DSCAML1: variants seen among roughly 807,000 people sequenced by gnomAD.
DSCAML1 encodes the protein DS cell adhesion molecule like 1, also known as cell adhesion molecule DSCAML1.
A neutral mutation model predicts 200.5 loss-of-function variants in DSCAML1; 38 were observed. The observed-to-expected ratio is 0.19, with a 90% CI of 0.15 to 0.25. DSCAML1 has a LOEUF of 0.25. Ranked by LOEUF, DSCAML1 falls within the 10% of genes least tolerant of loss-of-function variation. The probability of loss-of-function intolerance (pLI) is 1.00; values close to 1 mark genes in which losing one functional copy is unlikely to be tolerated. For synonymous variants in DSCAML1, 1,215 were observed against 1,165.0 expected (o/e 1.04, Z -0.87); for missense variants, 2,223 against 2,858.8 (o/e 0.78, Z 5.07).
intron 19 of DSCAML1, among the ~76,000 whole-genome samples, chr11:117,453,224 C>G (rs912403805): frequency 6.6e-6 from 1 of 152,220 alleles, no homozygotes; most frequent in Non-Finnish European, 1.5e-5. Context: ...CTTGAGCCAC[C>G]ATGTCCAACC....
chr11:117,509,794 T>G (rs2049582831), intron 8 of DSCAML1, among the ~76,000 whole-genome samples: 1 of 152,222 alleles, frequency 6.6e-6, no homozygotes, highest in South Asian at 2.1e-4. Flanking sequence ...CCATTTCCAT[T>G]TCTGGGAAAG....
At chr11:117,470,224 A>G (rs2048657203) in intron 15 of DSCAML1, among the ~76,000 whole-genome samples, 1 of 152,252 alleles carries the variant, frequency 6.6e-6, no homozygotes, top group Non-Finnish European at 1.5e-5. Flanking sequence ...ACTACTGTAC[A>G]TTCAGTAGGA....
At chr11:117,761,545 C>T (rs2054802438) in intron 3 of DSCAML1, among the ~76,000 whole-genome samples, 1 of 152,206 alleles carries the variant, frequency 6.6e-6, no homozygotes, top group South Asian at 2.1e-4. Flanking sequence ...AGTTACTGCA[C>T]CTCTCTGTGC....
chr11:117,677,795 A>G (rs1437223142), intron 3 of DSCAML1, among the ~76,000 whole-genome samples: 1 of 152,182 alleles, frequency 6.6e-6, no homozygotes, highest in Non-Finnish European at 1.5e-5. Context: ...TGAGGCACAG[A>G]CAGGTGAAGG....
intron 14 of DSCAML1, among the ~76,000 whole-genome samples, chr11:117,475,237 C>G (rs187377020): frequency 6.6e-5 from 10 of 152,278 alleles, no homozygotes; most frequent in Admixed American, 6.5e-4. Context: ...CAAATACAAT[C>G]GAGCTCCTCT....
At position 117,553,902 on chromosome 11, in the gene DSCAML1, A is replaced by G. The variant is rs749765288; in HGVS notation, c.512-21380T>C. Among the ~76,000 whole-genome samples the G allele has an allele frequency of 2.8e-4, 43 of 152,378 alleles. No homozygotes were observed. In the Middle Eastern group the frequency reaches 0.01, roughly 36 times the overall value. On this transcript the variant is annotated intron_variant, in intron 3 of 32. Transcript: ENST00000651296. ...AATAGCCAAAAGGTGGAAGCAACTCAAATGTCCACTGACAGATGAATAGAT... is the reference window on the plus strand; with the variant it reads ...AATAGCCAAAAGGTGGAAGCAACTCGAATGTCCACTGACAGATGAATAGAT...
intron 3 of DSCAML1, among the ~76,000 whole-genome samples, chr11:117,727,390 C>T (rs896407267): frequency 4.6e-5 from 7 of 152,340 alleles, no homozygotes; most frequent in East Asian, 3.9e-4. Flanking sequence ...CTCTCTCCAT[C>T]CGTCTTCAGC....
At chr11:117,631,488 C>T (rs181811576) in intron 3 of DSCAML1, among the ~76,000 whole-genome samples, 286 of 152,318 alleles carry the variant, frequency 1.9e-3, no homozygotes, top group African/African-American at 6.5e-3. Context: ...TCCATGGGAT[C>T]CTAGAACTTT....
chr11:117,440,350 C>T (rs545955267), intron 21 of DSCAML1, among the ~76,000 whole-genome samples: 27 of 152,154 alleles, frequency 1.8e-4, no homozygotes, highest in East Asian at 5.8e-4. Context: ...AGGCAACGGC[C>T]GGGAATAGCA....
At chr11:117,637,344 A>ATTT (rs36023662) in intron 3 of DSCAML1, among the ~76,000 whole-genome samples, 1 of 139,022 alleles carries the variant, frequency 7.2e-6, no homozygotes, top group Non-Finnish European at 1.6e-5. Flanking sequence ...GTGCTCAATA[A>ATTT]TTTTTTTTTT....
rs2054316329 is a variant in DSCAML1, at chr11:117,736,386, A to C, written c.511+40405T>G. Among the ~76,000 whole-genome samples, 8 of 152,220 alleles carry C rather than the reference A, an allele frequency of 5.3e-5. 1 individual carries two copies. The highest frequency in any genetic ancestry group is 5.2e-4 in the Admixed American group (8 of 15,282). ...CAGCTTCCCCAAAAGCCAGCCACCCAGGGGTGAGAGCCCAAGATGGAAGCC... is the reference window on the plus strand; with the variant it reads ...CAGCTTCCCCAAAAGCCAGCCACCCCGGGGTGAGAGCCCAAGATGGAAGCC... On this transcript the variant is annotated intron_variant, in intron 3 of 32. Transcript: ENST00000651296.
At chr11:117,599,385 G>T (rs1488602472) in intron 3 of DSCAML1, among the ~76,000 whole-genome samples, 3 of 152,102 alleles carry the variant, frequency 2.0e-5, no homozygotes, top group Non-Finnish European at 4.4e-5. Flanking sequence ...GTTTTCAGTG[G>T]CTCCTTATTA....
At chr11:117,671,148 C>A (rs1332855794) in intron 3 of DSCAML1, among the ~76,000 whole-genome samples, 3 of 152,210 alleles carry the variant, frequency 2.0e-5, no homozygotes, top group Non-Finnish European at 2.9e-5. Context: ...GCAACCTGCG[C>A]CTGCAGCAGT....
At chr11:117,797,298 C>T (rs751356502), upstream of DSCAML1, 1 of 1,321,308 alleles carries the variant, frequency 7.6e-7, no homozygotes, top group East Asian at 3.2e-5. Context: ...CCCCGCCCCC[C>T]CGCGGCACCC....
At chr11:117,783,842 C>T (rs956606963) in intron 1 of DSCAML1, among the ~76,000 whole-genome samples, 6 of 152,138 alleles carry the variant, frequency 3.9e-5, no homozygotes, top group Non-Finnish European at 8.8e-5. Flanking sequence ...AACCGCATTC[C>T]AAACACACAT....
chr11:117,578,254 A>AAAG (rs1555186551), intron 3 of DSCAML1, among the ~76,000 whole-genome samples: 7 of 150,450 alleles, frequency 4.7e-5, no homozygotes, highest in Non-Finnish European at 5.9e-5. Flanking sequence ...AAAAAAAAAA[A>AAAG]AAGAAGAAAA....
intron 3 of DSCAML1, among the ~76,000 whole-genome samples, chr11:117,540,304 A>C (rs76891432): frequency 6.6e-6 from 1 of 152,094 alleles, no homozygotes; most frequent in East Asian, 1.9e-4. Context: ...TGCGAACCCT[A>C]TTGTGAACTG....
intron 1 of DSCAML1, among the ~76,000 whole-genome samples, chr11:117,788,518 G>T (rs765090468): frequency 1.1e-4 from 16 of 152,112 alleles, no homozygotes; most frequent in Non-Finnish European, 1.5e-4. Flanking sequence ...GTAGAGATGG[G>T]GTTTCGCCAT....
Position 117,450,560 on chromosome 11 carries a change from A to T in DSCAML1, c.3697T>A (p.Ser1233Thr), listed in dbSNP as rs1353063227. ...CTGAACTCACTTACCGGCTGGCCAG[A>T]CCCGGGGCTGGAACAGAAGATGGTG... ...KYTIFCSSPG[S>T]GQPAPSEYET... The change falls in exon 20 of 33, where the codon TCT becomes ACT. Residue 1233 changes from serine to threonine, a missense_variant. Transcript: ENST00000651296. The T allele has an allele frequency of 6.2e-7, 1 of 1,613,932 alleles. No homozygotes were observed. The highest frequency in any genetic ancestry group is 1.3e-5 in the African/African-American group (1 of 74,992).
Sources: allele counts gnomAD v4.1 joint callset (sites outside exome capture counted in the v4.1 genomes callset), GRCh38; gene constraint gnomAD v4.1.1; transcripts MANE v1.5; gene names NCBI Gene and HGNC (gene_info 2026-07-23, HGNC 2026-07-21).